SPATS2L: variants seen among roughly 807,000 people sequenced by gnomAD.
SPATS2L encodes the protein spermatogenesis associated serine rich 2 like.
SPATS2L carries 30 observed loss-of-function variants against 59.6 expected under a neutral mutation model. The observed-to-expected ratio is 0.50, with a 90% CI of 0.38 to 0.68. The LOEUF (loss-of-function observed/expected upper bound fraction) is 0.68, where lower values mean the gene tolerates loss of function less well. Among genes scored for constraint, SPATS2L ranks in the 30% least tolerant of loss-of-function variants. The pLI, the probability that SPATS2L is intolerant of heterozygous loss-of-function variation, is 0.00. For synonymous variants in SPATS2L, 252 were observed against 263.5 expected, an observed-to-expected ratio of 0.96 and a Z score of 0.42; for missense variants, 615 against 700.0, an observed-to-expected ratio of 0.88 and a Z score of 1.37.
At chr2:200,371,660 A>G (rs572406353) in intron 2 of SPATS2L, among the ~76,000 whole-genome samples, 99 of 152,240 alleles carry the variant, frequency 6.5e-4, no homozygotes, top group Non-Finnish European at 1.3e-3. Flanking sequence ...CTGCCAAGAC[A>G]AAATGTCTTA....
intron 2 of SPATS2L, among the ~76,000 whole-genome samples, chr2:200,339,543 T>A (rs1037691106): frequency 2.6e-5 from 4 of 152,214 alleles, no homozygotes; most frequent in African/African-American, 9.6e-5. Context: ...TAATTAGTCA[T>A]TCTGGAAAAT....
intron 3 of SPATS2L, among the ~76,000 whole-genome samples, chr2:200,391,892 A>G (rs2082182971): frequency 6.6e-6 from 1 of 152,178 alleles, no homozygotes; most frequent in Non-Finnish European, 1.5e-5. Flanking sequence ...TGTTACCCCA[A>G]GTCTCTGGGC....
chr2:200,467,079 T>G (rs759994175), intron 9 of SPATS2L, among the ~76,000 whole-genome samples: 17 of 152,146 alleles, frequency 1.1e-4, no homozygotes, highest in Admixed American at 2.0e-4. Flanking sequence ...GGGACTGTGT[T>G]TGGCTTGGGG....
Position 200,479,432 on chromosome 2 carries a change from GA to G in SPATS2L, c.*1404del. The G allele has an allele frequency of 2.5e-6, 1 of 397,642 alleles. No individual in the cohort carries two copies. Among genetic ancestry groups the G allele is most frequent in the East Asian group, 3.6e-5 (1 of 28,048 alleles). The allele number at this position is 397,642 out of a possible 1,614,324, so 24.6% of individuals were successfully genotyped here. A position where few individuals can be genotyped will look rare whatever the true frequency, so the allele number is the denominator to read the frequency against. ...TAGGCCTGTCTCTTAAACCAATCAT[GA>G]AAGGGGGGAGAGAAGTGAATGGGAT... is the stretch of plus-strand genomic sequence containing the variant. On this transcript the variant is annotated 3_prime_UTR_variant, in exon 13 of 13. Coordinates refer to ENST00000409140, the MANE Select transcript of SPATS2L (RefSeq NM_001100423.2).
intron 6 of SPATS2L, among the ~76,000 whole-genome samples, chr2:200,431,624 CAGTTAGATTTGAATTCTTAA>C (rs1271094891): frequency 5.9e-5 from 9 of 152,182 alleles, no homozygotes; most frequent in South Asian, 2.1e-4. Flanking sequence ...ACATTCCTTA[CAGTTAGATTTGAATTCTTAA>C]AGTTAGATTT....
intron 9 of SPATS2L, chr2:200,463,504 T>C (rs2086384667): frequency 6.6e-6 from 1 of 152,220 alleles, no homozygotes; most frequent in South Asian, 2.1e-4. Flanking sequence ...GATCTCACTT[T>C]ATCAATAATA....
In SPATS2L at chr2:200,320,770, A is replaced by G. The variant is rs138338992; in HGVS notation, c.-72-8661A>G. 6.6e-5 allele frequency among the ~76,000 whole-genome samples: 10 copies of G among 152,366 alleles called. No homozygotes were observed. In the East Asian group the frequency reaches 1.9e-3, roughly 29 times the overall value. ...TCATATTAATGTCAAATAGCTGTCA[A>G]GTAACACATATGGTGCTTTCTGTGC... On this transcript the variant is annotated intron_variant, in intron 1 of 12. Transcript: ENST00000409140.
At chr2:200,315,230 T>A (rs181948010) in intron 1 of SPATS2L, among the ~76,000 whole-genome samples, 91 of 152,284 alleles carry the variant, frequency 6.0e-4, no homozygotes, top group African/African-American at 2.2e-3. Context: ...AATGTTTGGA[T>A]AAGATTCAGA....
chr2:200,461,599 C>T (rs997768417), intron 9 of SPATS2L, among the ~76,000 whole-genome samples: 1 of 152,172 alleles, frequency 6.6e-6, no homozygotes, highest in African/African-American at 2.4e-5. Flanking sequence ...TTCAGTTTTA[C>T]AATCCTTGTC....
At chr2:200,430,786 T>G (rs2083877675) in intron 6 of SPATS2L, among the ~76,000 whole-genome samples, 1 of 151,132 alleles carries the variant, frequency 6.6e-6, no homozygotes, top group African/African-American at 2.4e-5. Flanking sequence ...GACATGATCT[T>G]GGCTCACCAC....
chr2:200,439,203 G>GC lies in SPATS2L; in HGVS notation c.529dup (p.Leu177ProfsTer6). 1 of 1,613,630 alleles carries GC rather than the reference G, an allele frequency of 6.2e-7. No individual in the cohort carries two copies. Among genetic ancestry groups the GC allele is most frequent in the Non-Finnish European group, 8.5e-7 (1 of 1,179,668 alleles). ...CATGGAACAACAGAGAGGTCAGATG[G>GC]CCTACAGTGGTCAGCTGAGCAGCCT... On this transcript the variant is annotated frameshift_variant, in exon 7 of 13. Coordinates refer to ENST00000409140, the MANE Select transcript of SPATS2L (RefSeq NM_001100423.2). LOFTEE classifies it high-confidence loss of function.
intron 2 of SPATS2L, among the ~76,000 whole-genome samples, chr2:200,331,701 T>C (rs760913048): frequency 2.6e-5 from 4 of 152,230 alleles, no homozygotes; most frequent in Non-Finnish European, 4.4e-5. Flanking sequence ...ATTCACCTCA[T>C]TGGGTTGTTT....
intron 6 of SPATS2L, among the ~76,000 whole-genome samples, chr2:200,427,600 T>C (rs1240858504): frequency 3.3e-5 from 5 of 151,306 alleles, no homozygotes; most frequent in African/African-American, 4.8e-5. Flanking sequence ...AAACTAAAGA[T>C]GTTATTCCAG....
intron 12 of SPATS2L, among the ~76,000 whole-genome samples, chr2:200,473,681 C>T (rs1050561724): frequency 6.6e-6 from 1 of 152,094 alleles, no homozygotes; most frequent in African/African-American, 2.4e-5. Context: ...AGGTGATTTC[C>T]CCCTTATCCT....
At chr2:200,373,270 C>CAAAAAAAAAA (rs3856514) in intron 2 of SPATS2L, 19 of 105,976 alleles carry the variant, frequency 1.8e-4, no homozygotes, top group African/African-American at 3.0e-4. Flanking sequence ...ACTGCCTTAA[C>CAAAAAAAAAA]AAAAAAAAAA....
At chr2:200,468,174 A>T (rs537301328) in intron 10 of SPATS2L, among the ~76,000 whole-genome samples, 1 of 152,014 alleles carries the variant, frequency 6.6e-6, no homozygotes, top group African/African-American at 2.4e-5. Context: ...TTTGGCCCAG[A>T]GAGGGTGTGA....
At chr2:200,422,929 G>T (rs947761777) in intron 6 of SPATS2L, among the ~76,000 whole-genome samples, 8 of 152,102 alleles carry the variant, frequency 5.3e-5, no homozygotes, top group African/African-American at 1.9e-4. Flanking sequence ...CATCCTTACT[G>T]TGATGATGTG....
At chr2:200,325,503 C>T (rs544957486) in intron 1 of SPATS2L, among the ~76,000 whole-genome samples, 13 of 152,078 alleles carry the variant, frequency 8.5e-5, no homozygotes, top group African/African-American at 1.7e-4. Flanking sequence ...CTCAGCCTCC[C>T]GAGTAGTTGG....
At chr2:200,405,751 A>G (rs140536425) in intron 3 of SPATS2L, among the ~76,000 whole-genome samples, 41 of 152,266 alleles carry the variant, frequency 2.7e-4, no homozygotes, top group Non-Finnish European at 5.6e-4. Context: ...GCAAACCCAT[A>G]AATAACTCCA....
Sources: allele counts gnomAD v4.1 joint callset (sites outside exome capture counted in the v4.1 genomes callset), GRCh38; gene constraint gnomAD v4.1.1; transcripts MANE v1.5; gene names NCBI Gene and HGNC (gene_info 2026-07-23, HGNC 2026-07-21).